CNTN5: variants seen among roughly 807,000 people sequenced by gnomAD.
The protein encoded by CNTN5 is contactin-5.
In CNTN5, 77 loss-of-function variants were observed where a neutral mutation model predicts 129.1. That is an observed-to-expected ratio of 0.60 (90% CI 0.50 to 0.72). The LOEUF is 0.72. CNTN5 is among the 30% of genes least tolerant of loss of function. The pLI, the probability that CNTN5 is intolerant of heterozygous loss-of-function variation, is 0.00. For synonymous variants in CNTN5, 509 were observed against 465.6 expected (o/e 1.09, Z -1.20); for missense variants, 1,478 against 1,328.8 (o/e 1.11, Z -1.75).
intron 9 of CNTN5, among the ~76,000 whole-genome samples, chr11:100,029,387 C>T (rs1259955780): frequency 6.6e-6 from 1 of 151,500 alleles, no homozygotes; most frequent in Non-Finnish European, 1.5e-5. Context: ...TCGAGACCAT[C>T]CTGGCTAAGA....
At chr11:99,714,006 A>C (rs1291706007) in intron 3 of CNTN5, among the ~76,000 whole-genome samples, 3 of 151,946 alleles carry the variant, frequency 2.0e-5, no homozygotes, top group Non-Finnish European at 4.4e-5. Flanking sequence ...GACACAAAAT[A>C]ACTTGTATTA....
At chr11:99,966,256 A>T (rs956251260) in intron 8 of CNTN5, among the ~76,000 whole-genome samples, 4 of 152,210 alleles carry the variant, frequency 2.6e-5, no homozygotes, top group Non-Finnish European at 5.9e-5. Context: ...TTTACTTAAT[A>T]ACTCTCTCTT....
chr11:99,506,157 T>C (rs113759254), intron 2 of CNTN5, among the ~76,000 whole-genome samples: 4,423 of 152,348 alleles, frequency 0.029, 76 homozygotes, highest in Middle Eastern at 0.078. Context: ...TCCATGAATC[T>C]GAATGGTACG....
chr11:100,039,105 T>A (rs1081358), intron 9 of CNTN5, among the ~76,000 whole-genome samples: 84,420 of 151,966 alleles, frequency 0.56, 23,957 homozygotes, highest in East Asian at 0.75. Context: ...AGTGGCTGGT[T>A]CCGGTTGTTC....
chr11:99,970,334 G>A (rs1011431489), intron 8 of CNTN5, among the ~76,000 whole-genome samples: 9 of 152,232 alleles, frequency 5.9e-5, no homozygotes, highest in South Asian at 4.1e-4. Flanking sequence ...TAATTGTAAC[G>A]CCACTTATTG....
At chr11:100,240,497 A>G (rs536826113) in intron 16 of CNTN5, among the ~76,000 whole-genome samples, 75 of 152,276 alleles carry the variant, frequency 4.9e-4, no homozygotes, top group African/African-American at 1.7e-3. Context: ...TCTCCACTAT[A>G]TATCAGTCAT....
chr11:99,523,858 C>T (rs74820548), intron 2 of CNTN5, among the ~76,000 whole-genome samples: 4,817 of 152,056 alleles, frequency 0.032, 103 homozygotes, highest in Middle Eastern at 0.099. Context: ...CTTTACTGAG[C>T]GCATGCTGAT....
chr11:99,553,987 CACACACACAT>C (rs751692392), intron 2 of CNTN5, among the ~76,000 whole-genome samples: 3,443 of 142,390 alleles, frequency 0.024, 64 homozygotes, highest in African/African-American at 0.055. Context: ...CACACACACA[CACACACACAT>C]ACACACACAC....
intron 16 of CNTN5, among the ~76,000 whole-genome samples, chr11:100,254,076 A>T (rs1950021964): frequency 6.6e-6 from 1 of 152,082 alleles, no homozygotes; most frequent in African/African-American, 2.4e-5. Flanking sequence ...ACAAACTCCC[A>T]AGCCTGAATG....
At chr11:100,282,323 A>T (rs1027190756) in intron 18 of CNTN5, among the ~76,000 whole-genome samples, 1 of 152,242 alleles carries the variant, frequency 6.6e-6, no homozygotes, top group African/African-American at 2.4e-5. Flanking sequence ...CCAGTAATGT[A>T]GTTCTTGGAG....
chr11:99,128,147 A>G (rs61893378), intron 1 of CNTN5, among the ~76,000 whole-genome samples: 39,919 of 152,042 alleles, frequency 0.26, 5,538 homozygotes, highest in East Asian at 0.42. Context: ...CCTCACTCAG[A>G]GGGTCCCACG....
chr11:100,010,520 G>C (rs1291633855), intron 9 of CNTN5, among the ~76,000 whole-genome samples: 6 of 151,978 alleles, frequency 3.9e-5, no homozygotes, highest in Non-Finnish European at 1.5e-5. Context: ...CGAGCTGACA[G>C]GAAGCCCCTG....
chr11:100,317,762 G>C (rs1377708840), intron 21 of CNTN5, among the ~76,000 whole-genome samples: 4 of 151,958 alleles, frequency 2.6e-5, no homozygotes, highest in African/African-American at 9.7e-5. Flanking sequence ...CTGTGTTTTT[G>C]TTTCATTTGA....
chr11:99,201,383 T>TTCCTTCCTTCCTTCC (rs1859192868), intron 1 of CNTN5, among the ~76,000 whole-genome samples: 4 of 26,032 alleles, frequency 1.5e-4, no homozygotes, highest in Admixed American at 4.2e-4. Flanking sequence ...TCCTTCCTTC[T>TTCCTTCCTTCCTTCC]TTCCTTCCTT....
chr11:99,441,982 T>C (rs1943848949), intron 2 of CNTN5, among the ~76,000 whole-genome samples: 1 of 152,134 alleles, frequency 6.6e-6, no homozygotes, highest in Admixed American at 6.5e-5. Context: ...GAAAATACCC[T>C]GTGTTATCTC....
intron 2 of CNTN5, among the ~76,000 whole-genome samples, chr11:99,415,591 C>T (rs1322090103): frequency 6.6e-6 from 1 of 152,110 alleles, no homozygotes; most frequent in Non-Finnish European, 1.5e-5. Context: ...GTTCTGGTTT[C>T]TATGACTCAC....
chr11:99,471,163 A>G lies in CNTN5; in HGVS notation c.-70-84982A>G, dbSNP rs531093099. Among the ~76,000 whole-genome samples, 41 of 152,072 alleles carry G rather than the reference A, an allele frequency of 2.7e-4. No individual in the cohort carries two copies. The East Asian group carries it at 2.9e-3, about 11-fold the overall frequency. ...AGTAATGTTGCTAAAAAAAAAAACA[A>G]ATTTTCTAATAAACATTTTCCTTAA... On this transcript the variant is annotated intron_variant, in intron 2 of 24. Coordinates refer to ENST00000524871, the MANE Select transcript of CNTN5 (RefSeq NM_014361.4).
chr11:100,084,017 TTTG>T (rs200293246), intron 13 of CNTN5, among the ~76,000 whole-genome samples: 4,343 of 152,082 alleles, frequency 0.029, 121 homozygotes, highest in African/African-American at 0.071. Flanking sequence ...ACAAGTCTGG[TTTG>T]TTGTACTATG....
intron 13 of CNTN5, among the ~76,000 whole-genome samples, chr11:100,081,096 A>G (rs1335420975): frequency 6.6e-6 from 1 of 152,140 alleles, no homozygotes; most frequent in African/African-American, 2.4e-5. Context: ...AGCTAACTGC[A>G]CAAGACTCTG....
Sources: gnomAD v4.1 joint callset for allele counts (sites outside exome capture counted in the v4.1 genomes callset) on GRCh38, gnomAD v4.1.1 for gene constraint, MANE v1.5 for transcripts, NCBI Gene and HGNC (gene_info 2026-07-23, HGNC 2026-07-21) for gene names.